Variants in NES observed in about 807,000 individuals in gnomAD.
NES encodes the protein nestin.
A neutral mutation model predicts 35.6 loss-of-function variants in NES; 27 were observed. The observed-to-expected ratio is 0.76, with a 90% CI of 0.56 to 1.04. The LOEUF (loss-of-function observed/expected upper bound fraction) is 1.04. NES is among the 50% of genes least tolerant of loss of function. NES has a pLI of 0.00. For missense variants in NES, 1,867 were observed against 1,983.6 expected (o/e 0.94, Z 1.12); for synonymous variants, 822 against 824.2 (o/e 1.00, Z 0.04).
At chr1:156,674,718 T>C (rs1679804842) in intron 2 of NES, among the ~76,000 whole-genome samples, 3 of 152,170 alleles carry the variant, frequency 2.0e-5, no homozygotes, top group Non-Finnish European at 4.4e-5. Flanking sequence ...TCTCGCCCCA[T>C]GACATCCAGG....
In NES at chr1:156,669,404, G is replaced by A. The variant is rs781342603; in HGVS notation, c.4784C>T (p.Pro1595Leu). The A allele has an allele frequency of 5.0e-6, 8 of 1,612,062 alleles. No homozygotes were observed. Among genetic ancestry groups the A allele is most frequent in the Non-Finnish European group, 5.9e-6 (7 of 1,178,570 alleles). ...SALKTSWAGAPVHLGQGQFLK... is the reference protein window; with the variant it reads ...SALKTSWAGALVHLGQGQFLK... ...GAACTGACCCTGGCCCAGGTGAACA[G>A]GAGCCCCTGCCCAAGAGGTCTTCAG... Residue 1595 changes from proline to leucine, a missense_variant, in exon 4 of 4, where the codon CCT (proline) becomes CTT (leucine). Transcript: ENST00000368223.
Position 156,669,933 on chromosome 1 carries a change from C to G in NES, c.4255G>C (p.Gly1419Arg), listed in dbSNP as rs756308884. 4.3e-6 allele frequency: 7 copies of G among 1,613,360 alleles called. No individual in the cohort carries two copies. The East Asian group carries it at 1.6e-4, about 36-fold the overall frequency. Residue 1419 changes from glycine to arginine, a missense_variant, in exon 4 of 4, where the codon GGG (glycine) becomes CGG (arginine). Gly to Arg is a moderately radical substitution (Grantham distance 125). Coordinates refer to ENST00000368223, the MANE Select transcript of NES (RefSeq NM_006617.2). ...SDGFADEEES[G>R]EEGEEDQEEG... ...TCCTGATCCTCCTCTCCCTCCTCCC[C>G]ACTTTCTTCCTCATCTGCAAACCCA...
chr1:156,669,301 T>G lies in NES; in HGVS notation c.*21A>C. ...CCTCCCCGCACCCCTAAGTCCCCAGTGCCGGGCAGATGGTCTTTTCCTAGT... is the reference window on the plus strand; with the variant it reads ...CCTCCCCGCACCCCTAAGTCCCCAGGGCCGGGCAGATGGTCTTTTCCTAGT... On this transcript the variant is annotated 3_prime_UTR_variant, in exon 4 of 4. Transcript: ENST00000368223. 6.6e-7 allele frequency: 1 copy of G among 1,517,718 alleles called. No homozygotes were observed. Among genetic ancestry groups the G allele is most frequent in the Non-Finnish European group, 8.9e-7 (1 of 1,125,934 alleles). 94.0% of individuals were successfully genotyped at this position (1,517,718 alleles called of 1,614,324 possible). A position where few individuals can be genotyped will look rare whatever the true frequency, so the allele number is the denominator to read the frequency against.
At position 156,671,278 on chromosome 1, in the gene NES, A is replaced by T. The variant is rs766894405; in HGVS notation, c.2910T>A (p.Ala970=). Residue 970 remains alanine, a synonymous_variant, in exon 4 of 4, where the codon GCT becomes GCA. Coordinates refer to ENST00000368223, the MANE Select transcript of NES (RefSeq NM_006617.2). ...ELAQESPPGM[A]GVENEDEAEL... is the part of the protein sequence containing the mutation. ...CTGCCTCATCCTCATTTTCCACTCC[A>T]GCCATCCCAGGAGGGCTTTCCTGAG... 5.0e-6 allele frequency: 8 copies of T among 1,613,896 alleles called. No individual in the cohort carries two copies. The East Asian group carries it at 1.6e-4, about 31-fold the overall frequency.
rs754313921 is a variant in NES, at chr1:156,675,290, G to T, written c.834C>A (p.Ile278=). Residue 278 remains isoleucine, a synonymous_variant, in exon 2 of 4, where the codon ATC becomes ATA. Transcript: ENST00000368223. ...GCTGCCGACCTTCCAGGACCTGAGC[G>T]ATCTGGCTCTGTAGGCCCTGTTTCT... The part of the protein sequence containing the change: ...EQEKQGLQSQ[I]AQVLEGRQQL... 8 of 1,613,404 alleles carry T rather than the reference G, an allele frequency of 5.0e-6. No individual in the cohort carries two copies. Among genetic ancestry groups the T allele is most frequent in the Non-Finnish European group, 6.8e-6 (8 of 1,179,768 alleles).
rs1429121936 is a variant in NES at position 156,672,004 on chromosome 1, C to T, written c.2184G>A (p.Glu728=). Reference sequence around the variant, plus strand: ...CTAGAGGTCTCACAATACTCTGGTCCTCTTCTTCTAGAGTCTTCAGTGGCT... The same window carrying T: ...CTAGAGGTCTCACAATACTCTGGTCTTCTTCTTCTAGAGTCTTCAGTGGCT... ...NQEPLKTLEE[E]DQSIVRPLET... The change falls in exon 4 of 4, where the codon GAG becomes GAA. Residue 728 remains glutamate (E), a synonymous_variant. Transcript: ENST00000368223. 4 of 1,613,946 alleles carry T rather than the reference C, an allele frequency of 2.5e-6. No homozygotes were observed. The highest frequency in any genetic ancestry group is 3.4e-6 in the Non-Finnish European group (4 of 1,180,022).
In NES at chr1:156,671,245, A is replaced by G. The variant is rs767435460; in HGVS notation, c.2943T>C (p.Asn981=). 4.3e-6 allele frequency: 7 copies of G among 1,614,046 alleles called. No homozygotes were observed. The highest frequency in any genetic ancestry group is 5.1e-6 in the Non-Finnish European group (6 of 1,180,002). Residue 981 remains asparagine (N), a synonymous_variant, in exon 4 of 4, where the codon AAT becomes AAC. Transcript: ENST00000368223. ...GVENEDEAEL[N]LREQDGFTGK... is the part of the protein sequence containing the mutation. ...CAGTGAAGCCATCCTGCTCCCTCAG[A>G]TTCAGCTCTGCCTCATCCTCATTTT... is the stretch of plus-strand genomic sequence containing the variant.
At chr1:156,673,335 C>T in intron 3 of NES, 119 bp downstream of exon 3, 1 of 1,306,584 alleles carries the variant, frequency 7.7e-7, no homozygotes, top group South Asian at 1.4e-5. Context: ...TGAGAGCATG[C>T]TCACTGACAC....
chr1:156,677,121 C>T lies in NES; in HGVS notation c.144G>A (p.Ala48=). Residue 48 remains alanine (A), a synonymous_variant, in exon 1 of 4, where the codon GCG becomes GCA. Transcript: ENST00000368223. The surrounding 1 kb of genome is among the most constrained non-coding windows in gnomAD (Gnocchi z 4.5). ...CGGCATGCGCCCGCCAGGAGGTGTCCGCGGATTGTGCCCGGAGCCCCCCGA... is the reference window on the plus strand; with the variant it reads ...CGGCATGCGCCCGCCAGGAGGTGTCTGCGGATTGTGCCCGGAGCCCCCCGA... ...AELGGLRAQS[A]DTSWRAHADD... 6.2e-7 allele frequency: 1 copy of T among 1,607,312 alleles called. No individual in the cohort carries two copies. The highest frequency in any genetic ancestry group is 1.1e-5 in the South Asian group (1 of 90,218).
rs1389053342 is a variant in NES at position 156,672,598 on chromosome 1, G to C, written c.1590C>G (p.Asn530Lys). The C allele has an allele frequency of 6.2e-7, 1 of 1,613,624 alleles. No individual in the cohort carries two copies. The highest frequency in any genetic ancestry group is 1.3e-5 in the African/African-American group (1 of 74,908). The change falls in exon 4 of 4, where the codon AAC becomes AAG. Residue 530 changes from asparagine (N) to lysine (K), a missense_variant. Physicochemically the swap from Asn to Lys is moderately conservative, Grantham distance 94. Coordinates refer to ENST00000368223, the MANE Select transcript of NES (RefSeq NM_006617.2). Reference sequence around the variant, plus strand: ...CCTGGGAGTCCTGGATTTCCTTCCTGTTTAGATCCTCTTCTTCCCATATTT... The same window carrying C: ...CCTGGGAGTCCTGGATTTCCTTCCTCTTTAGATCCTCTTCTTCCCATATTT... Reference protein sequence around the residue: ...QQEIWEEEDLNRKEIQDSQVP... With the variant: ...QQEIWEEEDLKRKEIQDSQVP...
chr1:156,671,748 T>C lies in NES; in HGVS notation c.2440A>G (p.Ser814Gly). 6.2e-7 allele frequency: 1 copy of C among 1,614,094 alleles called. No homozygotes were observed. Among genetic ancestry groups the C allele is most frequent in the African/African-American group, 1.3e-5 (1 of 75,060 alleles). The change falls in exon 4 of 4, where the codon AGC becomes GGC. Residue 814 changes from serine to glycine, a missense_variant. Transcript: ENST00000368223. ...QEFLKSLKEE[S>G]VEAVKSLETE... ...TCTAAAGATTTTACTGCCTCTACGCTCTCTTCTTTGAGTGACTTTAAGAAC... is the reference window on the plus strand; with the variant it reads ...TCTAAAGATTTTACTGCCTCTACGCCCTCTTCTTTGAGTGACTTTAAGAAC...
Position 156,669,690 on chromosome 1 carries a change from C to T in NES, c.4498G>A (p.Glu1500Lys), listed in dbSNP as rs1679657717. Residue 1500 changes from glutamate (E) to lysine (K), a missense_variant, in exon 4 of 4, where the codon GAA becomes AAA. Physicochemically the swap from Glu to Lys is moderately conservative, Grantham distance 56. Coordinates refer to ENST00000368223, the MANE Select transcript of NES (RefSeq NM_006617.2). ...QDSAEPSGSEEESDPVSLERE... is the reference protein window; with the variant it reads ...QDSAEPSGSEKESDPVSLERE... ...TCCAAGGAAACAGGGTCAGACTCTT[C>T]CTCTGAGCCAGAAGGCTCAGCACTG... 1.9e-6 allele frequency: 3 copies of T among 1,614,052 alleles called. No homozygotes were observed. The highest frequency in any genetic ancestry group is 2.5e-6 in the Non-Finnish European group (3 of 1,179,924).
rs779115699 is a variant in NES, at chr1:156,675,418, G to A, written c.784-78C>T. ...ACCAACCTGCCTCCTGCCCGCTGCC[G>A]CTGCCCGGGAAGCACCTCCTGCTCC... On this transcript the variant is annotated intron_variant, in intron 1 of 3. Coordinates refer to ENST00000368223, the MANE Select transcript of NES (RefSeq NM_006617.2). 5.2e-5 allele frequency: 77 copies of A among 1,487,698 alleles called. No homozygotes were observed. The Middle Eastern group carries it at 7.2e-4, about 14-fold the overall frequency. The allele number at this position is 1,487,698 out of a possible 1,614,324, so 92.2% of individuals were successfully genotyped here. A position where few individuals can be genotyped will look rare whatever the true frequency, so the allele number is the denominator to read the frequency against.
In NES at chr1:156,676,755, C is replaced by T. The variant is rs773671551; in HGVS notation, c.510G>A (p.Ala170=). 1.3e-5 allele frequency: 18 copies of T among 1,357,032 alleles called. No individual in the cohort carries two copies. Among genetic ancestry groups the T allele is most frequent in the Middle Eastern group, 2.6e-4 (1 of 3,788 alleles). 84.1% of individuals were successfully genotyped at this position (1,357,032 alleles called of 1,614,324 possible). The part of the protein sequence containing the change: ...RCPAPPRGPP[A]PAPEVEELAR... The stretch of plus-strand genomic sequence containing the variant: ...CCAGCTCCTCTACCTCCGGGGCCGG[C>T]GCGGGAGGCCCGCGGGGCGGCGCGG... Residue 170 remains alanine (A), a synonymous_variant, in exon 1 of 4, where the codon GCG becomes GCA. Transcript: ENST00000368223. The surrounding 1 kb of genome is among the most constrained non-coding windows in gnomAD (Gnocchi z 5.3).
chr1:156,675,184 G>C (rs925297699), intron 2 of NES, 32 bp downstream of exon 2: 1 of 1,606,606 alleles, frequency 6.2e-7, no homozygotes, highest in South Asian at 1.1e-5. Context: ...GTGTGCCTCT[G>C]TGTGCCTGGG....
chr1:156,671,699 T>C lies in NES; in HGVS notation c.2489A>G (p.Lys830Arg), dbSNP rs114315457. 2.3e-3 allele frequency: 3,701 copies of C among 1,613,908 alleles called. 87 individuals carry two copies. In the African/African-American group the frequency reaches 0.045, roughly 20 times the overall value. The change falls in exon 4 of 4, where the codon AAG becomes AGG. Residue 830 changes from lysine to arginine, a missense_variant. Coordinates refer to ENST00000368223, the MANE Select transcript of NES (RefSeq NM_006617.2). ...SLETEILESLKSAGQENLETL... is the reference protein window; with the variant it reads ...SLETEILESLRSAGQENLETL... Reference sequence around the variant, plus strand: ...TTCCAGGTTCTCTTGTCCCGCAGACTTCAGTGATTCTAGGATCTCTGTTTC... The same window carrying C: ...TTCCAGGTTCTCTTGTCCCGCAGACCTCAGTGATTCTAGGATCTCTGTTTC...
chr1:156,671,850 G>T lies in NES; in HGVS notation c.2338C>A (p.Pro780Thr), dbSNP rs1223538417. The T allele has an allele frequency of 6.2e-7, 1 of 1,613,530 alleles. No individual in the cohort carries two copies. Among genetic ancestry groups the T allele is most frequent in the South Asian group, 1.1e-5 (1 of 90,996 alleles). The change falls in exon 4 of 4, where the codon CCA becomes ACA. Residue 780 changes from proline to threonine, a missense_variant. Transcript: ENST00000368223. The part of the protein sequence containing the change: ...GEQDQMTLRP[P>T]EKVDLEPLKS... The stretch of plus-strand genomic sequence containing the variant: ...AGTGGTTCTAGATCCACTTTTTCTG[G>T]GGGTCTTAATGTCATCTGATCCTGT...
At position 156,670,859 on chromosome 1, in the gene NES, T is replaced by TCGCCC; in HGVS notation, c.3328_3329insGGGCG (p.Asp1110GlyfsTer7). On this transcript the variant is annotated frameshift_variant, in exon 4 of 4. Coordinates refer to ENST00000368223, the MANE Select transcript of NES (RefSeq NM_006617.2). LOFTEE classifies it low-confidence loss of function (END_TRUNC). ...CTCTTCCCTGGTCAGATGGCCTGGGTCCCCCAGCCCTCCCACCCCCTGCCC... is the reference window on the plus strand; with the variant it reads ...CTCTTCCCTGGTCAGATGGCCTGGGTCGCCCCCCCCAGCCCTCCCACCCCCTGCCC... 30 of 1,609,206 alleles carry TCGCCC rather than the reference T, an allele frequency of 1.9e-5. No homozygotes were observed. Among genetic ancestry groups the TCGCCC allele is most frequent in the African/African-American group, 2.7e-5 (2 of 74,772 alleles).
At position 156,670,448 on chromosome 1, in the gene NES, C is replaced by T; in HGVS notation, c.3740G>A (p.Trp1247Ter). 1 of 1,561,098 alleles carries T rather than the reference C, an allele frequency of 6.4e-7. No individual in the cohort carries two copies. Among genetic ancestry groups the T allele is most frequent in the Non-Finnish European group, 8.7e-7 (1 of 1,153,394 alleles). The stretch of plus-strand genomic sequence containing the variant: ...GGCTTCAGCCCTCCCCTGCACCCCC[C>T]AGCTAGCCTCCTGACTCCCTTCAGC... ...PQAEGSQEASWGVQGRAEALG... is the reference protein window; with the variant it reads ...PQAEGSQEAS Residue 1247 changes from tryptophan to a stop codon, truncating the protein, a stop_gained, in exon 4 of 4, where the codon TGG becomes TAG. Coordinates refer to ENST00000368223, the MANE Select transcript of NES (RefSeq NM_006617.2). LOFTEE classifies it low-confidence loss of function (END_TRUNC).
Sources: allele counts gnomAD v4.1 joint callset (sites outside exome capture counted in the v4.1 genomes callset), GRCh38; gene constraint gnomAD v4.1.1; non-coding constraint Gnocchi (gnomAD v3.1); transcripts MANE v1.5; gene names NCBI Gene and HGNC (gene_info 2026-07-23, HGNC 2026-07-21).